ATPAF2: variants seen among roughly 807,000 people sequenced by gnomAD.
ATPAF2 encodes the protein ATP12 homolog.
ATPAF2 carries 30 observed loss-of-function variants against 36.6 expected under a neutral mutation model. That is an observed-to-expected ratio of 0.82 (90% CI 0.61 to 1.11). The LOEUF (loss-of-function observed/expected upper bound fraction) is 1.11. Among genes scored for constraint, ATPAF2 ranks in the 50% most tolerant of loss-of-function variants. ATPAF2 has a pLI of 0.00. For missense variants in ATPAF2, 321 were observed against 372.3 expected, an observed-to-expected ratio of 0.86 and a Z score of 1.13; for synonymous variants, 140 against 152.6, an observed-to-expected ratio of 0.92 and a Z score of 0.61.
chr17:18,021,796 G>T lies in ATPAF2; in HGVS notation c.565C>A (p.Arg189=). ...IMGPSIPAKT[R]EVLVSHLASY... ...GCCAGGTGGCTGACGAGCACCTCCC[G>T]AGTTTTGGCAGGGATGCTGGGTCCC... The change falls in exon 6 of 8, where the codon CGG becomes AGG. Residue 189 remains arginine, a synonymous_variant. Coordinates refer to ENST00000474627, the MANE Select transcript of ATPAF2 (RefSeq NM_145691.4). 6.8e-6 allele frequency: 11 copies of T among 1,614,150 alleles called. No individual in the cohort carries two copies. The highest frequency in any genetic ancestry group is 9.3e-6 in the Non-Finnish European group (11 of 1,180,024).
At chr17:18,031,140 T>C (rs1597675764) in intron 1 of ATPAF2, among the ~76,000 whole-genome samples, 2 of 150,014 alleles carry the variant, frequency 1.3e-5, no homozygotes, top group Admixed American at 1.3e-4. Context: ...GCCTGGCTAA[T>C]TTTTTGCATT....
At chr17:18,021,519 T>C (rs969650290) in intron 6 of ATPAF2, 2 of 627,182 alleles carry the variant, frequency 3.2e-6, no homozygotes, top group Admixed American at 2.4e-5. Context: ...GCCAGGGCAA[T>C]GAGATTGAAC....
At chr17:18,031,128 A>G (rs978251858) in intron 1 of ATPAF2, among the ~76,000 whole-genome samples, 1 of 148,796 alleles carries the variant, frequency 6.7e-6, no homozygotes, top group Admixed American at 6.7e-5. Flanking sequence ...GCCTGCCACC[A>G]CGCCTGGCTA....
intron 6 of ATPAF2, 153 bp from the exon 7 acceptor site, chr17:18,021,391 T>C (rs2044467017): frequency 1.4e-6 from 1 of 722,086 alleles, no homozygotes; most frequent in African/African-American, 1.7e-5. Context: ...CACTCTGGTC[T>C]TCCCTGGGGG....
chr17:18,024,236 G>A (rs540933632), intron 5 of ATPAF2, among the ~76,000 whole-genome samples: 14 of 152,268 alleles, frequency 9.2e-5, no homozygotes, highest in African/African-American at 3.4e-4. Flanking sequence ...CAAGAAAATT[G>A]AAGCTCAGAG....
rs753588888 is a variant in ATPAF2, at chr17:18,026,365, G to A, written c.376C>T (p.Gln126Ter). The change falls in exon 4 of 8, where the codon CAG becomes TAG. Residue 126 changes from glutamine to a stop codon, truncating the protein, a stop_gained. Transcript: ENST00000474627. LOFTEE classifies it high-confidence loss of function. ...AACTTCACGGCTGCCCGGATCAGCTGATCCTTGTTTCTCTGGGTTGGGTTG... is the reference window on the plus strand; with the variant it reads ...AACTTCACGGCTGCCCGGATCAGCTAATCCTTGTTTCTCTGGGTTGGGTTG... ...LDNPTQRNKD[Q>*]LIRAAVKFLD... 6.2e-7 allele frequency: 1 copy of A among 1,614,230 alleles called. No homozygotes were observed. Among genetic ancestry groups the A allele is most frequent in the Non-Finnish European group, 8.5e-7 (1 of 1,180,052 alleles).
downstream of ATPAF2, chr17:18,016,203 A>G (rs2044357826): frequency 6.2e-7 from 1 of 1,612,616 alleles, no homozygotes; most frequent in Non-Finnish European, 8.5e-7. Flanking sequence ...AGGGTGAGTC[A>G]ATCCCAAGCC....
chr17:18,032,941 G>A (rs576417684), intron 1 of ATPAF2, among the ~76,000 whole-genome samples: 1 of 151,584 alleles, frequency 6.6e-6, no homozygotes, highest in Non-Finnish European at 1.5e-5. Context: ...TTGTGGACTA[G>A]ACAGATGGTC....
At chr17:18,021,280 C>G in intron 6 of ATPAF2, 42 bp from the exon 7 acceptor site, 2 of 1,480,510 alleles carry the variant, frequency 1.4e-6, no homozygotes, top group Non-Finnish European at 1.9e-6. Flanking sequence ...AACAGGGCAG[C>G]TGCCACAACC....
Position 18,018,398 on chromosome 17 carries a change from G to A in ATPAF2, c.*151C>T. The A allele has an allele frequency of 8.9e-7, 1 of 1,123,842 alleles. No homozygotes were observed. The highest frequency in any genetic ancestry group is 1.3e-5 in the South Asian group (1 of 77,660). The allele number at this position is 1,123,842 out of a possible 1,614,324, so 69.6% of individuals were successfully genotyped here. On this transcript the variant is annotated 3_prime_UTR_variant, in exon 8 of 8. Transcript: ENST00000474627. ...GGCTGACCTCCGGACAGCCGTACTA[G>A]CGCACTGTGTCTCGGGGGGAATCTC... is the stretch of plus-strand genomic sequence containing the variant.
chr17:18,039,085 A>G lies in ATPAF2; in HGVS notation c.-72T>C, dbSNP rs1039917232. ...GAAACACAGAGCGATGGGATCCCCA[A>G]AGCCGCACGGTCGGGCTGTACGGAA... On this transcript the variant is annotated 5_prime_UTR_variant, in exon 1 of 8. Transcript: ENST00000474627. This position sits in a 1 kb window ranked among gnomAD's most constrained non-coding sequence, Gnocchi z 5.3. 2 of 1,545,040 alleles carry G rather than the reference A, an allele frequency of 1.3e-6. No homozygotes were observed. The highest frequency in any genetic ancestry group is 2.0e-5 in the Admixed American group (1 of 51,066).
chr17:18,038,777 T>G, intron 1 of ATPAF2, 104 bp downstream of exon 1: 3 of 1,536,950 alleles, frequency 2.0e-6, no homozygotes, highest in Non-Finnish European at 2.7e-6. Context: ...CATAACCTCA[T>G]GAGCCTGAAC....
At chr17:18,028,494 A>C in intron 2 of ATPAF2, 117 bp from the exon 3 acceptor site, 1 of 1,545,068 alleles carries the variant, frequency 6.5e-7, no homozygotes, top group African/African-American at 1.4e-5. Flanking sequence ...CCTTACAGAA[A>C]TATATCTCAC....
At chr17:18,027,224 A>C (rs1459705912) in intron 3 of ATPAF2, among the ~76,000 whole-genome samples, 2 of 152,112 alleles carry the variant, frequency 1.3e-5, no homozygotes, top group Non-Finnish European at 2.9e-5. Context: ...GTTTAAAAAA[A>C]AAAAAAAGAT....
Position 18,021,929 on chromosome 17 carries a change from A to G in ATPAF2, c.504-72T>C. ...AGAGCAGCCCACCTTTTGACTAGAA[A>G]CAAAGGCCTAAGCTTCAGAGCATGT... is the stretch of plus-strand genomic sequence containing the variant. On this transcript the variant is annotated intron_variant, in intron 5 of 7. Transcript: ENST00000474627. 3.0e-6 allele frequency: 4 copies of G among 1,311,896 alleles called. No homozygotes were observed. The South Asian group carries it at 4.7e-5, about 15-fold the overall frequency. The allele number at this position is 1,311,896 out of a possible 1,614,324, so 81.3% of individuals were successfully genotyped here. A position where few individuals can be genotyped will look rare whatever the true frequency, so the allele number is the denominator to read the frequency against.
chr17:18,015,503 T>TAGGA (rs2044326204), downstream of ATPAF2: 1 of 152,924 alleles, frequency 6.5e-6, no homozygotes, highest in Admixed American at 6.5e-5. Flanking sequence ...AACAACTTTT[T>TAGGA]ACAAGACAGC....
At chr17:18,026,482 G>A in intron 3 of ATPAF2, 66 bp from the exon 4 acceptor site, 1 of 1,230,274 alleles carries the variant, frequency 8.1e-7, no homozygotes, top group Non-Finnish European at 1.2e-6. Flanking sequence ...CTGCTTTCCT[G>A]AGGACACCAC....
At chr17:18,016,823 C>A, downstream of ATPAF2, 1 of 487,698 alleles carries the variant, frequency 2.1e-6, no homozygotes, top group South Asian at 3.1e-5. Flanking sequence ...CCTGGAAAAA[C>A]TTCCAAAAGT....
chr17:18,024,646 T>C lies in ATPAF2; in HGVS notation c.481A>G (p.Ile161Val). The part of the protein sequence containing the change: ...VELQRNEWDP[I>V]IEWAEKRYGV... ...TACCTTTTCTCAGCCCATTCGATGA[T>C]TGGATCCCACTCATTCCTTTGAAGT... Residue 161 changes from isoleucine (I) to valine (V), a missense_variant, in exon 5 of 8, where the codon ATC becomes GTC. Around this residue, in one of 3 missense-constraint regions of ATPAF2, gnomAD observed 199 missense variants for 220.6 expected, o/e 0.90. Coordinates refer to ENST00000474627, the MANE Select transcript of ATPAF2 (RefSeq NM_145691.4). The C allele has an allele frequency of 6.2e-7, 1 of 1,614,038 alleles. No individual in the cohort carries two copies. Among genetic ancestry groups the C allele is most frequent in the South Asian group, 1.1e-5 (1 of 91,078 alleles).
Sources: allele counts gnomAD v4.1 joint callset (sites outside exome capture counted in the v4.1 genomes callset), GRCh38; gene constraint gnomAD v4.1.1; regional missense constraint gnomAD v4.1.1; non-coding constraint Gnocchi (gnomAD v3.1); transcripts MANE v1.5; gene names NCBI Gene and HGNC (gene_info 2026-07-23, HGNC 2026-07-21).